The following LRP1B variants were observed in gnomAD, a reference collection of about 807,000 sequenced individuals.
The protein encoded by LRP1B is LDL receptor related protein 1B.
LRP1B carries 217 observed loss-of-function variants against 556.6 expected under a neutral mutation model. That is an observed-to-expected ratio of 0.39 (90% CI 0.35 to 0.44). The LOEUF is 0.44. Among genes scored for constraint, LRP1B ranks in the 20% least tolerant of loss-of-function variants. The pLI is 1.00. For synonymous variants in LRP1B, 2,047 were observed against 1,865.8 expected, an observed-to-expected ratio of 1.10 and a Z score of -2.50; for missense variants, 5,053 against 5,620.8, an observed-to-expected ratio of 0.90 and a Z score of 3.23.
At chr2:141,165,043 G>C (rs1680190770) in intron 7 of LRP1B, among the ~76,000 whole-genome samples, 1 of 151,950 alleles carries the variant, frequency 6.6e-6, no homozygotes, top group African/African-American at 2.4e-5. Context: ...CCTAAAAACA[G>C]TAATAGGCAA....
chr2:141,390,053 G>A (rs1419490665), intron 3 of LRP1B, among the ~76,000 whole-genome samples: 2 of 152,076 alleles, frequency 1.3e-5, no homozygotes, highest in Admixed American at 6.6e-5. Context: ...CAAGAGAATC[G>A]CTTGAACCTG....
intron 2 of LRP1B, among the ~76,000 whole-genome samples, chr2:141,629,517 G>C (rs148541318): frequency 0.011 from 1,720 of 152,216 alleles, 20 homozygotes; most frequent in Middle Eastern, 0.017. Flanking sequence ...TATTTCTAGT[G>C]CCTAGGATAC....
At chr2:141,903,891 A>G (rs1428498117) in intron 1 of LRP1B, among the ~76,000 whole-genome samples, 1 of 151,936 alleles carries the variant, frequency 6.6e-6, no homozygotes, top group African/African-American at 2.4e-5. Flanking sequence ...TCAGAGGATA[A>G]TGTTCAAGTT....
At chr2:142,106,875 A>G (rs545637532) in intron 1 of LRP1B, among the ~76,000 whole-genome samples, 3 of 152,302 alleles carry the variant, frequency 2.0e-5, no homozygotes, top group Non-Finnish European at 2.9e-5. Context: ...TTTTTATGTG[A>G]TCACATGTTA....
intron 1 of LRP1B, among the ~76,000 whole-genome samples, chr2:141,999,148 C>T (rs10928132): frequency 0.86 from 130,418 of 152,088 alleles, 56,018 homozygotes; most frequent in East Asian, 0.95. Flanking sequence ...AAAAAATCTG[C>T]TTCATCAGTC....
At chr2:141,540,885 A>G (rs1485734852) in intron 2 of LRP1B, among the ~76,000 whole-genome samples, 1 of 152,000 alleles carries the variant, frequency 6.6e-6, no homozygotes, top group Non-Finnish European at 1.5e-5. Flanking sequence ...GTGGTGAATC[A>G]TGCTCTACAT....
Position 141,794,745 on chromosome 2 carries a change from A to G in LRP1B, c.205+15534T>C, listed in dbSNP as rs575437388. Among the ~76,000 whole-genome samples the G allele has an allele frequency of 2.0e-5, 3 of 152,190 alleles. No individual in the cohort carries two copies. In the South Asian group the frequency reaches 6.2e-4, roughly 32 times the overall value. ...TAATAAAGTATATAATTGATGTCTT[A>G]TAGTTCCACAGTACCAACGAAATAA... On this transcript the variant is annotated intron_variant, in intron 2 of 90. Coordinates refer to ENST00000389484, the MANE Select transcript of LRP1B (RefSeq NM_018557.3).
intron 1 of LRP1B, among the ~76,000 whole-genome samples, chr2:141,845,867 A>G (rs1697628213): frequency 6.6e-6 from 1 of 151,924 alleles, no homozygotes; most frequent in Admixed American, 6.6e-5. Flanking sequence ...ACTTTTTAAA[A>G]AGAGAAAGGA....
intron 1 of LRP1B, among the ~76,000 whole-genome samples, chr2:141,919,722 T>C (rs1224854480): frequency 6.6e-6 from 1 of 152,032 alleles, no homozygotes; most frequent in African/African-American, 2.4e-5. Context: ...ATGTATAGAT[T>C]CAAAAGAGGT....
At chr2:140,330,228 A>ATAAT (rs1680735396) in intron 79 of LRP1B, among the ~76,000 whole-genome samples, 1 of 135,046 alleles carries the variant, frequency 7.4e-6, no homozygotes, top group African/African-American at 2.8e-5. Flanking sequence ...AATAATAATA[A>ATAAT]TAATAATAAT....
chr2:140,618,958 C>T (rs894385851), intron 41 of LRP1B, among the ~76,000 whole-genome samples: 30 of 152,032 alleles, frequency 2.0e-4, no homozygotes, highest in Admixed American at 1.9e-3. Context: ...ATACCTCTCT[C>T]CTCAATTCAC....
intron 43 of LRP1B, among the ~76,000 whole-genome samples, chr2:140,550,344 A>G (rs938319778): frequency 6.6e-6 from 1 of 152,134 alleles, no homozygotes; most frequent in African/African-American, 2.4e-5. Flanking sequence ...ACTCAAAGTG[A>G]CAGGCGCTGG....
chr2:142,016,036 A>G (rs1197803919), intron 1 of LRP1B, among the ~76,000 whole-genome samples: 2 of 147,750 alleles, frequency 1.4e-5, no homozygotes, highest in African/African-American at 4.9e-5. Context: ...ATGAACAGAC[A>G]CTTCTCAAAA....
chr2:140,824,497 A>G (rs1691437828), intron 31 of LRP1B, among the ~76,000 whole-genome samples: 1 of 152,132 alleles, frequency 6.6e-6, no homozygotes, highest in Non-Finnish European at 1.5e-5. Context: ...ATGAGAGCCC[A>G]GTGGCCACAG....
chr2:140,627,505 T>C (rs915374586), intron 41 of LRP1B, among the ~76,000 whole-genome samples: 3 of 152,190 alleles, frequency 2.0e-5, no homozygotes, highest in Admixed American at 6.5e-5. Context: ...CCAGGGACTC[T>C]CAGACCTTCA....
intron 31 of LRP1B, among the ~76,000 whole-genome samples, chr2:140,839,408 T>C (rs1692026399): frequency 6.6e-6 from 1 of 152,148 alleles, no homozygotes; most frequent in Non-Finnish European, 1.5e-5. Context: ...TTTGAGTCAG[T>C]GCACTGGAAG....
At chr2:141,510,461 G>T (rs1237599332) in intron 2 of LRP1B, among the ~76,000 whole-genome samples, 1 of 152,000 alleles carries the variant, frequency 6.6e-6, no homozygotes, top group East Asian at 1.9e-4. Flanking sequence ...TTGGATTTAG[G>T]CTGTATTTTA....
chr2:140,775,076 T>C (rs1276956283), intron 33 of LRP1B, among the ~76,000 whole-genome samples: 2 of 152,114 alleles, frequency 1.3e-5, no homozygotes, highest in Admixed American at 6.6e-5. Flanking sequence ...GTTATTAATT[T>C]TTTATGAATA....
At chr2:140,325,709 T>C in intron 80 of LRP1B, 53 bp downstream of exon 80, 2 of 1,181,254 alleles carry the variant, frequency 1.7e-6, no homozygotes, top group South Asian at 2.7e-5. Flanking sequence ...TTTGTATTAG[T>C]ATTTAACACT....
Sources: gnomAD v4.1 joint callset for allele counts (sites outside exome capture counted in the v4.1 genomes callset) on GRCh38, gnomAD v4.1.1 for gene constraint, MANE v1.5 for transcripts, NCBI Gene and HGNC (gene_info 2026-07-23, HGNC 2026-07-21) for gene names.